Variants in DNMT3B observed in about 807,000 individuals in gnomAD.
The protein encoded by DNMT3B is DNA (cytosine-5)-methyltransferase 3B.
A neutral mutation model predicts 120.2 loss-of-function variants in DNMT3B; 37 were observed. That is an observed-to-expected ratio of 0.31 (90% CI 0.24 to 0.40). The LOEUF (loss-of-function observed/expected upper bound fraction) is 0.40, where lower values mean the gene tolerates loss of function less well. Ranked by LOEUF, DNMT3B falls within the 10% of genes least tolerant of loss-of-function variation. The pLI is 1.00. For missense variants in DNMT3B, 878 were observed against 1,137.3 expected (o/e 0.77, Z 3.28); for synonymous variants, 412 against 442.8 (o/e 0.93, Z 0.87).
At position 32,801,184 on chromosome 20, in the gene DNMT3B, G is replaced by A. The variant is rs1981295283; in HGVS notation, c.1997-94G>A. 2.5e-6 allele frequency: 4 copies of A among 1,581,116 alleles called. No individual in the cohort carries two copies. In the African/African-American group the frequency reaches 4.0e-5, roughly 16 times the overall value. On this transcript the variant is annotated intron_variant, in intron 18 of 22. Coordinates refer to ENST00000328111, the MANE Select transcript of DNMT3B (RefSeq NM_006892.4). ...TGGTAGGCATCACCCTGAACTGTCA[G>A]GAGGCCATTGGGAACCTGCTGGTCT...
intron 8 of DNMT3B, 27 bp from the exon 9 acceptor site, chr20:32,792,599 C>A (rs190567237): frequency 1.9e-5 from 30 of 1,614,014 alleles, no homozygotes; most frequent in African/African-American, 6.7e-5. Flanking sequence ...CCCACCCCCC[C>A]ATTCATCACA....
In DNMT3B at chr20:32,773,943, T is replaced by TTTTG. The variant is rs1301413595; in HGVS notation, c.-6-6372_-6-6371insGTTT. ...ACTGCGCCCGGCAGTGGTTTTTTTT[T>TTTTG]TTTTTTTTTTTTTTTTTACGCTTTC... On this transcript the variant is annotated intron_variant, in intron 1 of 22. Transcript: ENST00000328111. Among the ~76,000 whole-genome samples, 4 of 142,926 alleles carry TTTTG rather than the reference T, an allele frequency of 2.8e-5. 1 individual carries two copies. The East Asian group carries it at 6.2e-4, about 22-fold the overall frequency. The allele number at this position is 142,926 out of a possible 152,430, so 93.8% of individuals were successfully genotyped here. A position where few individuals can be genotyped will look rare whatever the true frequency, so the allele number is the denominator to read the frequency against.
At chr20:32,765,244 T>G (rs1459804819) in intron 1 of DNMT3B, among the ~76,000 whole-genome samples, 1 of 152,070 alleles carries the variant, frequency 6.6e-6, no homozygotes, top group Admixed American at 6.6e-5. Context: ...GCTGGTGAAG[T>G]ATGGAATTCA....
rs201168560 is a variant in DNMT3B at position 32,800,917 on chromosome 20, G to C, written c.1988G>C (p.Gly663Ala). 5 of 1,614,218 alleles carry C rather than the reference G, an allele frequency of 3.1e-6. No individual in the cohort carries two copies. Among genetic ancestry groups the C allele is most frequent in the African/African-American group, 1.3e-5 (1 of 75,048 alleles). ...TCAAATGTGAATCCAGCCAGGAAAG[G>C]CCTGTATGGTGAGCATCCTTCTCTC... ...DLSNVNPARK[G>A]LYEGTGRLFF... Residue 663 changes from glycine to alanine, a missense_variant, in exon 18 of 23, where the codon GGC (glycine) becomes GCC (alanine). Around this residue, in one of 4 missense-constraint regions of DNMT3B, gnomAD observed 334 missense variants for 518.8 expected, o/e 0.64. Coordinates refer to ENST00000328111, the MANE Select transcript of DNMT3B (RefSeq NM_006892.4).
intron 1 of DNMT3B, among the ~76,000 whole-genome samples, chr20:32,772,378 G>A (rs775707594): frequency 4.0e-5 from 6 of 151,008 alleles, no homozygotes; most frequent in Admixed American, 1.3e-4. Context: ...GATTTAAGGC[G>A]TTCTTAGTTG....
intron 1 of DNMT3B, among the ~76,000 whole-genome samples, chr20:32,769,240 A>G (rs1289885391): frequency 6.6e-6 from 1 of 152,020 alleles, no homozygotes; most frequent in Non-Finnish European, 1.5e-5. Context: ...GGCGCCCGCC[A>G]CCTTGCCCGG....
In DNMT3B at chr20:32,807,974, C is replaced by A; in HGVS notation, c.*71C>A. Reference sequence around the variant, plus strand: ...ACCCAGGAGGTGTGATTCCTGAAGGCATCCCCAGGCCCTGCTCTTCCTCAG... The same window carrying A: ...ACCCAGGAGGTGTGATTCCTGAAGGAATCCCCAGGCCCTGCTCTTCCTCAG... On this transcript the variant is annotated 3_prime_UTR_variant, in exon 23 of 23. Transcript: ENST00000328111. 6.2e-7 allele frequency: 1 copy of A among 1,611,266 alleles called. No homozygotes were observed. The highest frequency in any genetic ancestry group is 8.5e-7 in the Non-Finnish European group (1 of 1,178,306).
chr20:32,806,149 C>G, intron 21 of DNMT3B, 60 bp from the exon 22 acceptor site: 1 of 1,515,484 alleles, frequency 6.6e-7, no homozygotes, highest in Non-Finnish European at 9.2e-7. Flanking sequence ...TACTTTTGAG[C>G]CTTGACTCCC....
intron 1 of DNMT3B, among the ~76,000 whole-genome samples, chr20:32,766,422 C>T (rs1490845024): frequency 6.6e-6 from 1 of 151,908 alleles, no homozygotes; most frequent in East Asian, 1.9e-4. Context: ...GTTGCCAAGG[C>T]TAACCTTGAA....
intron 15 of DNMT3B, 81 bp from the exon 16 acceptor site, chr20:32,799,163 C>T: frequency 6.8e-7 from 1 of 1,467,238 alleles, no homozygotes; most frequent in Non-Finnish European, 9.4e-7. Flanking sequence ...GCCCTCTGAG[C>T]AGGGTCAGCC....
Position 32,789,409 on chromosome 20 carries a change from G to A in DNMT3B, c.813+397G>A, listed in dbSNP as rs1979704525. 3.3e-5 allele frequency among the ~76,000 whole-genome samples: 5 copies of A among 152,322 alleles called. No individual in the cohort carries two copies. The South Asian group carries it at 1.0e-3, about 32-fold the overall frequency. On this transcript the variant is annotated intron_variant, in intron 7 of 22. Coordinates refer to ENST00000328111, the MANE Select transcript of DNMT3B (RefSeq NM_006892.4). ...TTTAGCCCTGGGGAGAGAAAGGCAT[G>A]GAGTTGGGTTTAGGGTCACCTGGTA...
chr20:32,778,081 G>A (rs1028250215), intron 1 of DNMT3B, among the ~76,000 whole-genome samples: 1 of 152,224 alleles, frequency 6.6e-6, no homozygotes, highest in Non-Finnish European at 1.5e-5. Flanking sequence ...GCTCACGCCT[G>A]TAATCCCAGC....
At chr20:32,796,224 T>C (rs949432026) in intron 12 of DNMT3B, among the ~76,000 whole-genome samples, 22 of 152,042 alleles carry the variant, frequency 1.4e-4, no homozygotes, top group African/African-American at 5.3e-4. Flanking sequence ...AGAGCTTCGG[T>C]TTAGAAATCC....
At chr20:32,770,610 C>CA (rs58422530) in intron 1 of DNMT3B, among the ~76,000 whole-genome samples, 78,269 of 144,742 alleles carry the variant, frequency 0.54, 22,042 homozygotes, top group East Asian at 0.98. Context: ...CTCCGCCTTA[C>CA]TTTTTTTTTT....
intron 18 of DNMT3B, 132 bp downstream of exon 18, chr20:32,801,057 G>C: frequency 1.6e-6 from 2 of 1,256,098 alleles, no homozygotes; most frequent in Admixed American, 1.8e-5. Context: ...TGTTGGTGCT[G>C]CCTACGCTCC....
chr20:32,787,327 C>A lies in DNMT3B; in HGVS notation c.530C>A (p.Thr177Lys). The change falls in exon 6 of 23, where the codon ACA (threonine) becomes AAA (lysine). Residue 177 changes from threonine to lysine, a missense_variant. Thr to Lys is a moderately conservative substitution (Grantham distance 78). Transcript: ENST00000328111. ...TIDLTDDTED[T>K]HGTPQSSSTP... is the part of the protein sequence containing the mutation. ...GACCTCACAGACGACACAGAGGACA[C>A]ACATGGGACGCCCCAGAGCAGCAGT... 2 of 1,614,244 alleles carry A rather than the reference C, an allele frequency of 1.2e-6. No homozygotes were observed. Among genetic ancestry groups the A allele is most frequent in the South Asian group, 2.2e-5 (2 of 91,088 alleles).
chr20:32,790,972 G>A (rs1044610775), intron 7 of DNMT3B, among the ~76,000 whole-genome samples: 1 of 152,206 alleles, frequency 6.6e-6, no homozygotes, highest in African/African-American at 2.4e-5. Context: ...TTTCAGTTCT[G>A]ATTAGCATCC....
Position 32,793,593 on chromosome 20 carries a change from A to C in DNMT3B, c.1124A>C (p.Tyr375Ser). The stretch of plus-strand genomic sequence containing the variant: ...AGTAGGAAATTAGAATCAAGGAAAT[A>C]CGGTATTTCCTTCCTGTCTTTTGAC... The part of the protein sequence containing the change: ...AGSRKLESRK[Y>S]ENKTRRRTAD... Residue 375 changes from tyrosine (Y) to serine (S), a missense_variant and splice_region_variant, in exon 10 of 23, where the codon TAC becomes TCC. Tyr to Ser is a moderately radical substitution (Grantham distance 144). This residue lies in a region of DNMT3B where 207 missense variants were observed against 222.6 expected (regional missense o/e 0.93). Coordinates refer to ENST00000328111, the MANE Select transcript of DNMT3B (RefSeq NM_006892.4). 1 of 1,613,928 alleles carries C rather than the reference A, an allele frequency of 6.2e-7. No individual in the cohort carries two copies. The highest frequency in any genetic ancestry group is 8.5e-7 in the Non-Finnish European group (1 of 1,179,910).
At chr20:32,791,981 G>C (rs1454666117) in intron 8 of DNMT3B, among the ~76,000 whole-genome samples, 3 of 152,182 alleles carry the variant, frequency 2.0e-5, no homozygotes, top group Non-Finnish European at 4.4e-5. Flanking sequence ...CAGTGAATGT[G>C]CTTTTCCAGA....
Sources: allele counts gnomAD v4.1 joint callset (sites outside exome capture counted in the v4.1 genomes callset), GRCh38; gene constraint gnomAD v4.1.1; regional missense constraint gnomAD v4.1.1; transcripts MANE v1.5; gene names NCBI Gene and HGNC (gene_info 2026-07-23, HGNC 2026-07-21).